Variants in WNK2 observed in about 807,000 individuals in gnomAD.
WNK2 encodes WNK lysine deficient protein kinase 2.
In WNK2, 67 loss-of-function variants were observed where a neutral mutation model predicts 192.1. The observed-to-expected ratio is 0.35, with a 90% confidence interval of 0.29 to 0.43. The LOEUF (loss-of-function observed/expected upper bound fraction) is 0.43. Among genes scored for constraint, WNK2 ranks in the 20% least tolerant of loss-of-function variants. WNK2 has a pLI of 1.00. For synonymous variants in WNK2, 1,439 were observed against 1,393.9 expected (o/e 1.03, Z -0.72); for missense variants, 2,698 against 3,089.7 (o/e 0.87, Z 3.01).
intron 27 of WNK2, 43 bp from the exon 28 acceptor site, chr9:93,308,285 C>A: frequency 6.5e-7 from 1 of 1,530,326 alleles, no homozygotes; most frequent in Admixed American, 2.0e-5. Flanking sequence ...GGCCTGGGTG[C>A]GTGTGTGGCG....
Position 93,289,251 on chromosome 9 carries a change from G to A in WNK2, c.4497G>A (p.Leu1499=), listed in dbSNP as rs1410297180. 1.2e-6 allele frequency: 2 copies of A among 1,603,440 alleles called. No homozygotes were observed. The highest frequency in any genetic ancestry group is 1.7e-6 in the Non-Finnish European group (2 of 1,177,170). Residue 1499 remains leucine (L), a synonymous_variant, in exon 20 of 30, where the codon CTG becomes CTA. Coordinates refer to ENST00000427277, the MANE Select transcript of WNK2 (RefSeq NM_006648.4). ...PQPALGQPAP[L]LPAAVGAVSL... Reference sequence around the variant, plus strand: ...CCGCCTTGGGTCAACCTGCTCCCCTGCTTCCTGCCGCAGTGGGGGCCGTCA... The same window carrying A: ...CCGCCTTGGGTCAACCTGCTCCCCTACTTCCTGCCGCAGTGGGGGCCGTCA...
At position 93,257,136 on chromosome 9, in the gene WNK2, G is replaced by A. The variant is rs141246477; in HGVS notation, c.2379G>A (p.Pro793=). The A allele has an allele frequency of 1.1e-3, 1,758 of 1,607,210 alleles. 22 individuals are homozygous for A. In the African/African-American group the frequency reaches 0.018, roughly 17 times the overall value. ...APLQPLAQVP[P]QMPPIPVVPP... ...TGCAGCCGCTTGCTCAAGTCCCTCC[G>A]CAGGTAATTCTAGGTTGATGGCTGC... The change falls in exon 11 of 30, where the codon CCG becomes CCA. Residue 793 remains proline (P), a synonymous_variant. Coordinates refer to ENST00000427277, the MANE Select transcript of WNK2 (RefSeq NM_006648.4). The surrounding 1 kb of genome is among the most constrained non-coding windows in gnomAD (Gnocchi z 4.7).
In WNK2 at chr9:93,259,457, C is replaced by A. The variant is rs376859965; in HGVS notation, c.2909C>A (p.Pro970Gln). The A allele has an allele frequency of 6.7e-7, 1 of 1,483,812 alleles. No individual in the cohort carries two copies. The highest frequency in any genetic ancestry group is 8.9e-7 in the Non-Finnish European group (1 of 1,120,096). The allele number at this position is 1,483,812 out of a possible 1,614,324, so 91.9% of individuals were successfully genotyped here. ...CTGCCCCCTCAACCTGTGTTGCCCC[C>A]GCAACCCACACGGCCCCCTCAACCT... is the stretch of plus-strand genomic sequence containing the variant. ...PTLPPQPVLP[P>Q]QPTRPPQPVL... Residue 970 changes from proline to glutamine, a missense_variant, in exon 12 of 30, where the codon CCG becomes CAG. Physicochemically the swap from Pro to Gln is moderately conservative, Grantham distance 76. Around this residue, in one of 7 missense-constraint regions of WNK2, gnomAD observed 893 missense variants for 909.0 expected, o/e 0.98. Transcript: ENST00000427277. The surrounding 1 kb of genome is among the most constrained non-coding windows in gnomAD (Gnocchi z 4.8).
intron 19 of WNK2, among the ~76,000 whole-genome samples, chr9:93,275,373 A>G (rs1262845274): frequency 6.6e-6 from 1 of 152,152 alleles, no homozygotes; most frequent in Non-Finnish European, 1.5e-5. Flanking sequence ...AGCCTGGGCA[A>G]CATAGCAAGA....
intron 2 of WNK2, among the ~76,000 whole-genome samples, chr9:93,213,234 GGAGGGCAGGGTAGCAGGTGACAA>G (rs1307779449): frequency 6.6e-6 from 1 of 152,204 alleles, no homozygotes; most frequent in Non-Finnish European, 1.5e-5. Context: ...GGACAGTTGA[GGAGGGCAGGGTAGCAGGTGACAA>G]GAGGGCAGGG....
rs1392839431 is a variant in WNK2, at chr9:93,184,958, TC to T, written c.33del (p.Gly12AlafsTer3). 8.3e-7 allele frequency: 1 copy of T among 1,210,002 alleles called. No individual in the cohort carries two copies. Among genetic ancestry groups the T allele is most frequent in the Non-Finnish European group, 1.0e-6 (1 of 976,912 alleles). The allele number at this position is 1,210,002 out of a possible 1,614,324, so 75.0% of individuals were successfully genotyped here. ...GACGGCGATGGCGGCCGCCGAGACG[TC>T]CCCGGCACGCTGATGGAGCCCGGGC... is the stretch of plus-strand genomic sequence containing the variant. MDGDGGRRD[V>X]PGTLMEPGRG... On this transcript the variant is annotated frameshift_variant, in exon 2 of 30. Transcript: ENST00000427277. LOFTEE classifies it high-confidence loss of function.
intron 2 of WNK2, among the ~76,000 whole-genome samples, chr9:93,204,729 A>G (rs1046238245): frequency 1.3e-5 from 2 of 152,210 alleles, no homozygotes; most frequent in African/African-American, 2.4e-5. Flanking sequence ...TGTGAATGTC[A>G]TAGCAGATTG....
intron 15 of WNK2, 37 bp from the exon 16 acceptor site, chr9:93,263,880 G>A: frequency 6.5e-7 from 1 of 1,539,712 alleles, no homozygotes; most frequent in Non-Finnish European, 8.8e-7. Flanking sequence ...GCACGTGTGG[G>A]TACGCCCGTG....
At position 93,308,476 on chromosome 9, in the gene WNK2, G is replaced by A. The variant is rs768181281; in HGVS notation, c.6408G>A (p.Thr2136=). The A allele has an allele frequency of 1.4e-5, 22 of 1,609,522 alleles. No homozygotes were observed. Among genetic ancestry groups the A allele is most frequent in the East Asian group, 4.5e-5 (2 of 44,708 alleles). ...HKLVDEWTSK[T]VGAAQLKPTL... ...TGGTGGACGAGTGGACGAGCAAGACGGTGGGGGCCGCGCAGCTGAAGCCCA... is the reference window on the plus strand; with the variant it reads ...TGGTGGACGAGTGGACGAGCAAGACAGTGGGGGCCGCGCAGCTGAAGCCCA... The change falls in exon 28 of 30, where the codon ACG becomes ACA. Residue 2136 remains threonine (T), a synonymous_variant. Transcript: ENST00000427277.
At chr9:93,309,347 A>G (rs1305561775) in intron 28 of WNK2, among the ~76,000 whole-genome samples, 1 of 152,192 alleles carries the variant, frequency 6.6e-6, no homozygotes, top group Non-Finnish European at 1.5e-5. Context: ...TATTTATCAC[A>G]CACCTGTTCA....
intron 2 of WNK2, among the ~76,000 whole-genome samples, chr9:93,199,897 C>T (rs1443326937): frequency 6.2e-5 from 2 of 32,150 alleles, no homozygotes; most frequent in Non-Finnish European, 2.0e-4. Flanking sequence ...GACTCTTTGT[C>T]TCAAAAAAAA....
At chr9:93,301,173 C>T (rs926271663) in intron 26 of WNK2, among the ~76,000 whole-genome samples, 12 of 152,236 alleles carry the variant, frequency 7.9e-5, no homozygotes, top group African/African-American at 2.7e-4. Flanking sequence ...TCAGGACGAT[C>T]GGCCAGTGAA....
At chr9:93,278,659 C>G (rs1847289519) in intron 19 of WNK2, among the ~76,000 whole-genome samples, 1 of 152,174 alleles carries the variant, frequency 6.6e-6, no homozygotes, top group Non-Finnish European at 1.5e-5. Flanking sequence ...ATTCATCCAG[C>G]ACCCAATATG....
At chr9:93,207,519 G>T (rs539860823) in intron 2 of WNK2, among the ~76,000 whole-genome samples, 1 of 152,354 alleles carries the variant, frequency 6.6e-6, no homozygotes, top group African/African-American at 2.4e-5. Flanking sequence ...TTCAGGAGGA[G>T]CCCAACAGGC....
intron 2 of WNK2, among the ~76,000 whole-genome samples, chr9:93,207,937 C>T (rs868710464): frequency 5.9e-5 from 9 of 152,248 alleles, no homozygotes; most frequent in East Asian, 5.8e-4. Flanking sequence ...GGGACAGCTT[C>T]GTGTCCCACC....
chr9:93,184,619 C>A (rs1828928691), intron 1 of WNK2, among the ~76,000 whole-genome samples: 1 of 151,852 alleles, frequency 6.6e-6, no homozygotes, highest in Non-Finnish European at 1.5e-5. Flanking sequence ...CGAGATCCCT[C>A]TGCCGGCCTC....
intron 29 of WNK2, chr9:93,318,168 A>T (rs1399250323): frequency 2.7e-6 from 4 of 1,500,000 alleles, no homozygotes; most frequent in Non-Finnish European, 3.5e-6. Context: ...GTTAAAAAAA[A>T]TTATCGGAAA....
At chr9:93,245,638 T>C (rs1261480924) in intron 7 of WNK2, among the ~76,000 whole-genome samples, 1 of 152,260 alleles carries the variant, frequency 6.6e-6, no homozygotes, top group Non-Finnish European at 1.5e-5. Flanking sequence ...GGAGAATGTT[T>C]GGACACTGTA....
At chr9:93,301,598 C>T (rs1301704958) in intron 26 of WNK2, among the ~76,000 whole-genome samples, 7 of 152,174 alleles carry the variant, frequency 4.6e-5, no homozygotes, top group East Asian at 3.9e-4. Context: ...CCCACCCCTG[C>T]GTCTCTGGGT....
Sources: allele counts gnomAD v4.1 joint callset (sites outside exome capture counted in the v4.1 genomes callset), GRCh38; gene constraint gnomAD v4.1.1; regional missense constraint gnomAD v4.1.1; non-coding constraint Gnocchi (gnomAD v3.1); transcripts MANE v1.5; gene names NCBI Gene and HGNC (gene_info 2026-07-23, HGNC 2026-07-21).